PUM1: variants seen among roughly 807,000 people sequenced by gnomAD.
PUM1 encodes the protein pumilio RNA binding family member 1, also known as pumilio homolog 1.
In PUM1, 13 loss-of-function variants were observed where a neutral mutation model predicts 131.8. The observed-to-expected ratio is 0.10, with a 90% CI of 0.06 to 0.16. The LOEUF (loss-of-function observed/expected upper bound fraction) is 0.16. Among genes scored for constraint, PUM1 ranks in the 10% least tolerant of loss-of-function variants. The pLI, the probability that PUM1 is intolerant of heterozygous loss-of-function variation, is 1.00. For synonymous variants in PUM1, 509 were observed against 556.5 expected (o/e 0.91, Z 1.20); for missense variants, 961 against 1,512.4 (o/e 0.64, Z 6.05).
intron 7 of PUM1, among the ~76,000 whole-genome samples, chr1:30,983,328 T>C (rs1641425161): frequency 6.6e-6 from 1 of 152,238 alleles, no homozygotes; most frequent in African/African-American, 2.4e-5. Flanking sequence ...TCAATGGGTT[T>C]CTGGAATTTT....
chr1:30,994,336 T>C (rs993947746), intron 6 of PUM1, among the ~76,000 whole-genome samples: 3 of 151,516 alleles, frequency 2.0e-5, no homozygotes, highest in African/African-American at 7.2e-5. Flanking sequence ...CACTGGAGAT[T>C]AAAAAAAAAT....
intron 7 of PUM1, among the ~76,000 whole-genome samples, chr1:30,991,714 T>C (rs1019934977): frequency 6.6e-6 from 1 of 152,168 alleles, no homozygotes; most frequent in African/African-American, 2.4e-5. Flanking sequence ...GACCTTTCTT[T>C]AAAAAATAAA....
In PUM1 at chr1:30,953,749, A is replaced by C; in HGVS notation, c.2556T>G (p.His852Gln). The C allele has an allele frequency of 6.2e-7, 1 of 1,614,228 alleles. No homozygotes were observed. The highest frequency in any genetic ancestry group is 8.5e-7 in the Non-Finnish European group (1 of 1,180,030). Residue 852 changes from histidine (H) to glutamine (Q), a missense_variant, in exon 15 of 22, where the codon CAT becomes CAG. His to Gln is a conservative substitution (Grantham distance 24, BLOSUM62 0). Transcript: ENST00000426105. Reference sequence around the variant, plus strand: ...GCTGGTCTTGGGAAAATTCCATTATATGTCCAGCAATCTCCCGCAGTTGTA... The same window carrying C: ...GCTGGTCTTGGGAAAATTCCATTATCTGTCCAGCAATCTCCCGCAGTTGTA... ...PNLQLREIAG[H>Q]IMEFSQDQHG...
At chr1:30,990,366 TG>T (rs1189124874) in intron 7 of PUM1, among the ~76,000 whole-genome samples, 30 of 151,986 alleles carry the variant, frequency 2.0e-4, no homozygotes, top group Admixed American at 2.0e-3. Context: ...CAAAATGCTA[TG>T]GAGTTCTAGG....
rs567778051 is a variant in PUM1 at position 30,954,686 on chromosome 1, C to T, written c.2324-705G>A. Among the ~76,000 whole-genome samples, 4 of 152,242 alleles carry T rather than the reference C, an allele frequency of 2.6e-5. No homozygotes were observed. The East Asian group carries it at 7.7e-4, about 29-fold the overall frequency. ...ACTGTAGTTCCAACAACCTTCATGC[C>T]ACTGATAATGCTGTTTTGATGGGTG... On this transcript the variant is annotated intron_variant, in intron 14 of 21. Coordinates refer to ENST00000426105, the MANE Select transcript of PUM1 (RefSeq NM_001020658.2).
chr1:31,020,948 G>A (rs1324543514), intron 3 of PUM1, among the ~76,000 whole-genome samples: 1 of 152,080 alleles, frequency 6.6e-6, no homozygotes, highest in African/African-American at 2.4e-5. Context: ...ACACAACATA[G>A]TTTAATACCA....
chr1:31,005,411 C>T (rs1642364037), intron 5 of PUM1, among the ~76,000 whole-genome samples: 1 of 152,138 alleles, frequency 6.6e-6, no homozygotes. Context: ...AAGAATAGCC[C>T]TATAATCTGA....
chr1:31,029,332 G>T (rs1329631070), intron 2 of PUM1, among the ~76,000 whole-genome samples: 2 of 152,178 alleles, frequency 1.3e-5, no homozygotes, highest in African/African-American at 2.4e-5. Context: ...CTCAGGAAAG[G>T]GGGATGCAAA....
chr1:31,039,012 T>TTTTTTTTTCC (rs1643732241), intron 2 of PUM1, among the ~76,000 whole-genome samples: 1 of 136,408 alleles, frequency 7.3e-6, no homozygotes, highest in African/African-American at 2.8e-5. Context: ...CTTTTCTCTT[T>TTTTTTTTTCC]TTGAGACAAT....
chr1:30,977,843 A>G (rs1641200189), intron 9 of PUM1, among the ~76,000 whole-genome samples: 1 of 152,258 alleles, frequency 6.6e-6, no homozygotes, highest in Admixed American at 6.5e-5. Context: ...CAAGACAGAC[A>G]GCACAGGCAT....
chr1:31,065,561 C>T (rs1644465644), intron 1 of PUM1, 55 bp downstream of exon 1: 11 of 1,533,582 alleles, frequency 7.2e-6, no homozygotes, highest in Non-Finnish European at 8.7e-6. Context: ...AAGGGACAAT[C>T]TGCTCGTTAG....
chr1:31,038,984 A>ATATATATATATATATATATTTTTTTTTT, intron 2 of PUM1, among the ~76,000 whole-genome samples: 4 of 49,416 alleles, frequency 8.1e-5, no homozygotes, highest in East Asian at 6.7e-4. Flanking sequence ...ATATATATAT[A>ATATATATATATATATATATTTTTTTTTT]TTTTTTTTTT....
intron 5 of PUM1, among the ~76,000 whole-genome samples, chr1:31,003,217 TA>T (rs1446494209): frequency 6.6e-6 from 1 of 152,158 alleles, no homozygotes; most frequent in East Asian, 1.9e-4. Context: ...ACTCCTCCTT[TA>T]GAACAATTAT....
At chr1:30,978,044 A>T (rs1334840310) in intron 9 of PUM1, among the ~76,000 whole-genome samples, 2 of 152,196 alleles carry the variant, frequency 1.3e-5, no homozygotes, top group Non-Finnish European at 2.9e-5. Flanking sequence ...CAGGAGTTTG[A>T]GACCAGCCTG....
chr1:30,941,113 T>A, intron 20 of PUM1, 38 bp downstream of exon 20: 1 of 1,581,176 alleles, frequency 6.3e-7, no homozygotes, highest in Admixed American at 1.7e-5. Flanking sequence ...ACTAATCCTC[T>A]CTTCTGGGAA....
chr1:31,052,699 T>C (rs1157053995), intron 2 of PUM1, among the ~76,000 whole-genome samples: 2 of 149,068 alleles, frequency 1.3e-5, no homozygotes, highest in Non-Finnish European at 3.0e-5. Flanking sequence ...ATATCCATTA[T>C]CTTTTTTTTT....
intron 10 of PUM1, chr1:30,973,145 T>C (rs892993890): frequency 5.9e-6 from 1 of 168,102 alleles, no homozygotes; most frequent in Non-Finnish European, 1.3e-5. Context: ...TTTCCTTATA[T>C]ATATGGTACA....
Position 31,005,791 on chromosome 1 carries a change from A to AAGAGAGAGAG in PUM1, c.720+52_720+61dup, listed in dbSNP as rs57530886. The AAGAGAGAGAG allele has an allele frequency of 2.6e-4, 346 of 1,313,974 alleles. 1 individual carries two copies. Among genetic ancestry groups the AAGAGAGAGAG allele is most frequent in the African/African-American group, 2.5e-3 (167 of 66,780 alleles). 81.4% of individuals were successfully genotyped at this position (1,313,974 alleles called of 1,614,324 possible). ...GGCATGTTTTGCTTTAGGGGAAAAA[A>AAGAGAGAGAG]AGAGAGAGAGAGAGAGAGAGAGAGA... On this transcript the variant is annotated intron_variant, in intron 5 of 21. Transcript: ENST00000426105.
chr1:30,954,302 G>A (rs1640063025), intron 14 of PUM1, among the ~76,000 whole-genome samples: 1 of 152,166 alleles, frequency 6.6e-6, no homozygotes, highest in Non-Finnish European at 1.5e-5. Flanking sequence ...CCTAGCACCT[G>A]AGCACCAGCA....
Sources: gnomAD v4.1 joint callset for allele counts (sites outside exome capture counted in the v4.1 genomes callset) on GRCh38, gnomAD v4.1.1 for gene constraint, MANE v1.5 for transcripts, NCBI Gene and HGNC (gene_info 2026-07-23, HGNC 2026-07-21) for gene names.